Variants in EIF2B4 observed in about 807,000 individuals in gnomAD.
EIF2B4 encodes eukaryotic translation initiation factor 2B subunit delta.
A neutral mutation model predicts 66.7 loss-of-function variants in EIF2B4; 34 were observed. That is an observed-to-expected ratio of 0.51 (90% CI 0.39 to 0.68). The LOEUF is 0.68. EIF2B4 is among the 30% of genes least tolerant of loss of function. EIF2B4 has a pLI of 0.00. For missense variants in EIF2B4, 618 were observed against 657.9 expected (o/e 0.94, Z 0.66); for synonymous variants, 278 against 253.6 (o/e 1.10, Z -0.92).
intron 11 of EIF2B4, among the ~76,000 whole-genome samples, chr2:27,365,377 C>CT (rs372524722): frequency 0.42 from 50,360 of 119,706 alleles, 11,670 homozygotes; most frequent in African/African-American, 0.55. Context: ...TTAATAAATC[C>CT]TTTTTTTTTT....
At chr2:27,368,964 A>G in intron 4 of EIF2B4, 42 bp downstream of exon 4, 1 of 1,611,408 alleles carries the variant, frequency 6.2e-7, no homozygotes, top group Non-Finnish European at 8.5e-7. Context: ...AGCTGGCGTT[A>G]TAATTAGGAG....
intron 5 of EIF2B4, 36 bp downstream of exon 5, chr2:27,368,618 G>A (rs1334221476): frequency 2.5e-6 from 4 of 1,612,548 alleles, no homozygotes; most frequent in Non-Finnish European, 3.4e-6. Context: ...CATTTCCCTA[G>A]GCTCTTTCTA....
chr2:27,365,378 T>C (rs1474353162), intron 11 of EIF2B4, among the ~76,000 whole-genome samples: 1 of 43,386 alleles, frequency 2.3e-5, no homozygotes, highest in Non-Finnish European at 4.3e-5. Context: ...TAATAAATCC[T>C]TTTTTTTTTT....
At position 27,364,532 on chromosome 2, in the gene EIF2B4, T is replaced by C; in HGVS notation, c.1440A>G (p.Ala480=). The stretch of plus-strand genomic sequence containing the variant: ...AGACTAGATTCAACAACCGTAGGGA[T>C]GCGTGGTTCTGCCAGTTAGCCAGCG... ...HVALANWQNH[A]SLRLLNLVYD... Residue 480 remains alanine, a synonymous_variant, in exon 13 of 13, where the codon GCA becomes GCG. Coordinates refer to ENST00000347454, the MANE Select transcript of EIF2B4 (RefSeq NM_001034116.2). 1 of 1,614,232 alleles carries C rather than the reference T, an allele frequency of 6.2e-7. No individual in the cohort carries two copies. The highest frequency in any genetic ancestry group is 8.5e-7 in the Non-Finnish European group (1 of 1,180,036).
intron 11 of EIF2B4, chr2:27,365,566 C>T (rs141563308): frequency 0.021 from 3,297 of 153,778 alleles, 124 homozygotes; most frequent in African/African-American, 0.076. Flanking sequence ...TTAGTAGAGA[C>T]GGGGTTTCAC....
chr2:27,369,829 T>A (rs370574973), intron 2 of EIF2B4, 47 bp downstream of exon 2: 20 of 1,544,094 alleles, frequency 1.3e-5, no homozygotes, highest in Non-Finnish European at 1.6e-5. Flanking sequence ...TGGCACAGCC[T>A]CCTGCGTAGC....
rs182127717 is a variant in EIF2B4 at position 27,370,308 on chromosome 2, C to G, written c.7G>C (p.Ala3Pro). Residue 3 changes from alanine to proline, a missense_variant, in exon 1 of 13, where the codon GCT becomes CCT. By Grantham distance (27) the Ala-to-Pro change is conservative. Around this residue, in one of 4 missense-constraint regions of EIF2B4, gnomAD observed 506 missense variants for 511.9 expected, o/e 0.99. Transcript: ENST00000347454. MA[A>P]VAVAVREDSG... ...CCCTCGCGAACAGCCACGGCCACAG[C>G]AGCCATCGCCCTCAGTCCTAGGCTC... The G allele has an allele frequency of 6.5e-7, 1 of 1,544,520 alleles. No individual in the cohort carries two copies. The highest frequency in any genetic ancestry group is 2.0e-5 in the Admixed American group (1 of 51,112).
At chr2:27,369,280 G>T (rs530486091) in intron 3 of EIF2B4, 68 bp from the exon 4 acceptor site, 2 of 1,604,168 alleles carry the variant, frequency 1.2e-6, no homozygotes, top group African/African-American at 2.7e-5. Context: ...GCTAAAACTA[G>T]CTTCTCTCCT....
Position 27,368,146 on chromosome 2 carries a change from G to C in EIF2B4, c.591-7C>G. On this transcript the variant is annotated splice_polypyrimidine_tract_variant and splice_region_variant and intron_variant, in intron 6 of 12. Coordinates refer to ENST00000347454, the MANE Select transcript of EIF2B4 (RefSeq NM_001034116.2). ...GATCACAGAGGATGGGATGCTGATG[G>C]GATGGCGGTGTCACATACTTTGAAA... 2 of 1,575,804 alleles carry C rather than the reference G, an allele frequency of 1.3e-6. No individual in the cohort carries two copies. The highest frequency in any genetic ancestry group is 1.2e-5 in the South Asian group (1 of 86,364).
intron 12 of EIF2B4, 53 bp downstream of exon 12, chr2:27,364,661 TCTCC>T: frequency 6.2e-7 from 1 of 1,614,050 alleles, no homozygotes; most frequent in Non-Finnish European, 8.5e-7. Context: ...TATCCGCCCC[TCTCC>T]CTCCCTCTCA....
chr2:27,369,715 A>G (rs770815590), intron 2 of EIF2B4, 161 bp downstream of exon 2: 218 of 1,469,340 alleles, frequency 1.5e-4, no homozygotes, highest in Non-Finnish European at 2.0e-4. Flanking sequence ...TTTCTCCTCC[A>G]GGGACAGAAT....
In EIF2B4 at chr2:27,368,646, C is replaced by T. The variant is rs1169374196; in HGVS notation, c.498+8G>A. 2 of 1,614,244 alleles carry T rather than the reference C, an allele frequency of 1.2e-6. No individual in the cohort carries two copies. The highest frequency in any genetic ancestry group is 2.2e-5 in the South Asian group (2 of 91,090). On this transcript the variant is annotated splice_region_variant and intron_variant, in intron 5 of 12. Coordinates refer to ENST00000347454, the MANE Select transcript of EIF2B4 (RefSeq NM_001034116.2). ...TCTTTCTAGCCAGGCACCAAACCCACTTCCTACCTGTTGACGCTCTGGTTT... is the reference window on the plus strand; with the variant it reads ...TCTTTCTAGCCAGGCACCAAACCCATTTCCTACCTGTTGACGCTCTGGTTT...
chr2:27,365,049 A>G (rs983849250), intron 11 of EIF2B4, 151 bp from the exon 12 acceptor site: 2 of 793,484 alleles, frequency 2.5e-6, no homozygotes, highest in Non-Finnish European at 4.0e-6. Flanking sequence ...ACAACAAGTA[A>G]TAAATCTTTT....
intron 4 of EIF2B4, 80 bp from the exon 5 acceptor site, chr2:27,368,813 A>G (rs1216144760): frequency 1.3e-6 from 2 of 1,520,612 alleles, no homozygotes; most frequent in African/African-American, 1.4e-5. Flanking sequence ...AGGGGCATCA[A>G]GAAAAACAGG....
Position 27,368,017 on chromosome 2 carries a change from G to T in EIF2B4, c.705+8C>A, listed in dbSNP as rs1238101533. 20 of 1,571,156 alleles carry T rather than the reference G, an allele frequency of 1.3e-5. No homozygotes were observed. The highest frequency in any genetic ancestry group is 1.7e-5 in the Non-Finnish European group (20 of 1,156,804). On this transcript the variant is annotated splice_region_variant and intron_variant, in intron 7 of 12. Transcript: ENST00000347454. ...TTGGATCATAAGAGAGAACAGGATG[G>T]GACATACCTGCTGCAAGGCACGAAG...
chr2:27,370,203 A>G (rs1572616636), intron 1 of EIF2B4, 81 bp downstream of exon 1: 5 of 1,534,434 alleles, frequency 3.3e-6, no homozygotes, highest in Non-Finnish European at 2.6e-6. Context: ...GGCGGGGCCC[A>G]AAGGCGCTCA....
Position 27,368,740 on chromosome 2 carries a change from G to C in EIF2B4, c.419-7C>G, listed in dbSNP as rs570777761. Reference sequence around the variant, plus strand: ...TCAGGGAGACGCTTCACTCCTGAAAGATAATCATCATGTTTTCAGGACACT... The same window carrying C: ...TCAGGGAGACGCTTCACTCCTGAAACATAATCATCATGTTTTCAGGACACT... On this transcript the variant is annotated splice_polypyrimidine_tract_variant and splice_region_variant and intron_variant, in intron 4 of 12. Transcript: ENST00000347454. 4.3e-6 allele frequency: 7 copies of C among 1,613,816 alleles called. No individual in the cohort carries two copies. The East Asian group carries it at 8.9e-5, about 21-fold the overall frequency.
At position 27,368,381 on chromosome 2, in the gene EIF2B4, T is replaced by C. The variant is rs1297038949; in HGVS notation, c.581A>G (p.Gln194Arg). ...PQYSRQNSLT[Q>R]FMSIPSSVIH... is the part of the protein sequence containing the mutation. ...TTTCATAGGATCCTACCTCATAAAC[T>C]GGGTCAGAGAGTTTTGTCTGCTGTA... Residue 194 changes from glutamine to arginine, a missense_variant, in exon 6 of 13, where the codon CAG (glutamine) becomes CGG (arginine). By Grantham distance (43) the Gln-to-Arg change is conservative (BLOSUM62 1). Around this residue, in one of 4 missense-constraint regions of EIF2B4, gnomAD observed 506 missense variants for 511.9 expected, o/e 0.99. Coordinates refer to ENST00000347454, the MANE Select transcript of EIF2B4 (RefSeq NM_001034116.2). 1 of 1,613,166 alleles carries C rather than the reference T, an allele frequency of 6.2e-7. No individual in the cohort carries two copies. Among genetic ancestry groups the C allele is most frequent in the South Asian group, 1.1e-5 (1 of 91,044 alleles).
chr2:27,367,743 T>C lies in EIF2B4; in HGVS notation c.782+3A>G, dbSNP rs1356634637. 1 of 1,613,272 alleles carries C rather than the reference T, an allele frequency of 6.2e-7. No homozygotes were observed. Among genetic ancestry groups the C allele is most frequent in the Non-Finnish European group, 8.5e-7 (1 of 1,179,178 alleles). On this transcript the variant is annotated splice_donor_region_variant and intron_variant, in intron 8 of 12. Coordinates refer to ENST00000347454, the MANE Select transcript of EIF2B4 (RefSeq NM_001034116.2). ...GGGAGTGGACTTATAGTGTTGTCCC[T>C]ACCTCATGTAGGGTTTTAGTTTATT... is the stretch of plus-strand genomic sequence containing the variant.
Sources: allele counts gnomAD v4.1 joint callset (sites outside exome capture counted in the v4.1 genomes callset), GRCh38; gene constraint gnomAD v4.1.1; regional missense constraint gnomAD v4.1.1; transcripts MANE v1.5; gene names NCBI Gene and HGNC (gene_info 2026-07-23, HGNC 2026-07-21).